MSH3: variants seen among roughly 807,000 people sequenced by gnomAD.
The protein encoded by MSH3 is DNA mismatch repair protein Msh3.
Under a neutral mutation model 123.3 loss-of-function variants are expected in MSH3, and 106 were observed. The observed-to-expected ratio is 0.86, with a 90% CI of 0.73 to 1.01. The LOEUF (loss-of-function observed/expected upper bound fraction) is 1.01, where lower values mean the gene tolerates loss of function less well. MSH3 is among the 50% of genes least tolerant of loss of function. The pLI, the probability that MSH3 is intolerant of heterozygous loss-of-function variation, is 0.00. For synonymous variants in MSH3, 515 were observed against 481.4 expected, an observed-to-expected ratio of 1.07 and a Z score of -0.91; for missense variants, 1,459 against 1,347.6, an observed-to-expected ratio of 1.08 and a Z score of -1.29.
chr5:80,866,265 G>C (rs1315467618), intron 22 of MSH3, among the ~76,000 whole-genome samples: 1 of 151,940 alleles, frequency 6.6e-6, no homozygotes, highest in Non-Finnish European at 1.5e-5. Flanking sequence ...CAGCCTCCCC[G>C]GTAGCTGGGA....
chr5:80,792,596 A>G (rs886885934), intron 18 of MSH3, 137 bp from the exon 19 acceptor site: 22 of 650,828 alleles, frequency 3.4e-5, no homozygotes, highest in Middle Eastern at 4.2e-4. Context: ...TTCTGGACAT[A>G]TGTTCTTAAA....
intron 8 of MSH3, among the ~76,000 whole-genome samples, chr5:80,694,154 C>G (rs1561446425): frequency 1.3e-5 from 2 of 152,146 alleles, no homozygotes; most frequent in Non-Finnish European, 2.9e-5. Flanking sequence ...GGACAAACAG[C>G]TTTCCATACT....
At chr5:80,751,740 A>C in intron 12 of MSH3, among the ~76,000 whole-genome samples, 1 of 152,110 alleles carries the variant, frequency 6.6e-6, no homozygotes, top group African/African-American at 2.4e-5. Context: ...ATCTACAATA[A>C]CCTTATTTCC....
chr5:80,875,621 C>T (rs1026231809), intron 23 of MSH3, 130 bp from the exon 24 acceptor site: 13 of 634,632 alleles, frequency 2.0e-5, no homozygotes, highest in African/African-American at 1.5e-4. Context: ...AAGGGTGACA[C>T]TGACACAGCT....
At chr5:80,873,853 C>T (rs27385) in intron 23 of MSH3, among the ~76,000 whole-genome samples, 11,995 of 152,150 alleles carry the variant, frequency 0.079, 626 homozygotes, top group South Asian at 0.24. Flanking sequence ...GTAGTCAGTA[C>T]ATAAATTAAT....
intron 19 of MSH3, among the ~76,000 whole-genome samples, chr5:80,812,029 A>T (rs1218801820): frequency 6.7e-6 from 1 of 148,288 alleles, no homozygotes; most frequent in African/African-American, 2.5e-5. Context: ...TTATTGTGTT[A>T]AGCTCTTTCT....
chr5:80,728,139 A>C (rs1290700105), intron 9 of MSH3, among the ~76,000 whole-genome samples: 1 of 152,172 alleles, frequency 6.6e-6, no homozygotes, highest in African/African-American at 2.4e-5. Context: ...CTCTACTCTT[A>C]ATGAGTTGGG....
chr5:80,782,905 G>C (rs1381900788), intron 17 of MSH3, among the ~76,000 whole-genome samples: 1 of 152,108 alleles, frequency 6.6e-6, no homozygotes, highest in Non-Finnish European at 1.5e-5. Flanking sequence ...CATTACTTTT[G>C]ATCAAAATGT....
chr5:80,762,785 T>TTATGTTATG (rs1744060595), intron 13 of MSH3, among the ~76,000 whole-genome samples: 1 of 94,414 alleles, frequency 1.1e-5, no homozygotes, highest in African/African-American at 4.2e-5. Context: ...AATTTTTTAT[T>TTATGTTATG]TTATTTTATG....
intron 16 of MSH3, 150 bp from the exon 17 acceptor site, chr5:80,778,570 A>G (rs1442567122): frequency 4.5e-6 from 3 of 661,990 alleles, no homozygotes; most frequent in East Asian, 5.5e-5. Flanking sequence ...AGTAGAGTTC[A>G]GGACCATAAT....
rs1743736891 is a variant in MSH3, at chr5:80,747,171, A to G, written c.1763+2556A>G. 2.0e-5 allele frequency among the ~76,000 whole-genome samples: 3 copies of G among 152,218 alleles called. No individual in the cohort carries two copies. In the South Asian group the frequency reaches 6.2e-4, roughly 32 times the overall value. ...TGGCTGCTGGAAAGGCTGCCTAAACATCTACTACAATTCTTACTGTGTTTT... is the reference window on the plus strand; with the variant it reads ...TGGCTGCTGGAAAGGCTGCCTAAACGTCTACTACAATTCTTACTGTGTTTT... On this transcript the variant is annotated intron_variant, in intron 12 of 23. Transcript: ENST00000265081.
intron 18 of MSH3, among the ~76,000 whole-genome samples, chr5:80,789,536 A>G (rs1744572919): frequency 6.6e-6 from 1 of 152,058 alleles, no homozygotes; most frequent in South Asian, 2.1e-4. Context: ...ACGCCTGGCT[A>G]ATTTTCATAT....
chr5:80,819,667 A>G (rs1745169983), intron 20 of MSH3, among the ~76,000 whole-genome samples: 1 of 151,688 alleles, frequency 6.6e-6, no homozygotes, highest in Non-Finnish European at 1.5e-5. Context: ...TTGTATTTTT[A>G]GTAGAGAGGG....
At chr5:80,691,228 A>G (rs924129876) in intron 8 of MSH3, among the ~76,000 whole-genome samples, 11 of 152,102 alleles carry the variant, frequency 7.2e-5, no homozygotes, top group African/African-American at 2.7e-4. Flanking sequence ...TATCAGAAGT[A>G]ATAAGAATTC....
intron 20 of MSH3, among the ~76,000 whole-genome samples, chr5:80,845,572 C>T (rs1745705989): frequency 6.6e-6 from 1 of 152,154 alleles, no homozygotes; most frequent in African/African-American, 2.4e-5. Context: ...TCACATAGTC[C>T]CATATTTCAT....
intron 12 of MSH3, among the ~76,000 whole-genome samples, chr5:80,759,401 G>A (rs895753294): frequency 2.0e-5 from 3 of 152,164 alleles, no homozygotes; most frequent in African/African-American, 7.2e-5. Context: ...TGGTAGGGAA[G>A]AGGAAAATAA....
At chr5:80,698,892 T>G (rs1048449193) in intron 8 of MSH3, among the ~76,000 whole-genome samples, 3 of 152,128 alleles carry the variant, frequency 2.0e-5, no homozygotes, top group Non-Finnish European at 4.4e-5. Context: ...ATGGCACATG[T>G]ATACATATGT....
At chr5:80,849,013 G>T (rs911386560) in intron 20 of MSH3, among the ~76,000 whole-genome samples, 1 of 152,158 alleles carries the variant, frequency 6.6e-6, no homozygotes. Flanking sequence ...AATACAATGG[G>T]GGTACAGGCA....
At chr5:80,683,781 T>C (rs938285689) in intron 8 of MSH3, among the ~76,000 whole-genome samples, 1 of 152,156 alleles carries the variant, frequency 6.6e-6, no homozygotes, top group African/African-American at 2.4e-5. Flanking sequence ...TTCTGGAGAG[T>C]TTCCCCAATG....
Sources: gnomAD v4.1 joint callset for allele counts (sites outside exome capture counted in the v4.1 genomes callset) on GRCh38, gnomAD v4.1.1 for gene constraint, MANE v1.5 for transcripts, NCBI Gene and HGNC (gene_info 2026-07-23, HGNC 2026-07-21) for gene names.